PTPRM: variants seen among roughly 807,000 people sequenced by gnomAD.
PTPRM encodes the protein receptor-type tyrosine-protein phosphatase mu.
Under a neutral mutation model 186.7 loss-of-function variants are expected in PTPRM, and 47 were observed. That is an observed-to-expected ratio of 0.25 (90% CI 0.20 to 0.32). PTPRM has a LOEUF of 0.32. PTPRM is among the 10% of genes least tolerant of loss of function. The pLI, the probability that PTPRM is intolerant of heterozygous loss-of-function variation, is 1.00. For missense variants in PTPRM, 1,494 were observed against 1,865.0 expected, an observed-to-expected ratio of 0.80 and a Z score of 3.66; for synonymous variants, 668 against 674.9, an observed-to-expected ratio of 0.99 and a Z score of 0.16.
intron 14 of PTPRM, among the ~76,000 whole-genome samples, chr18:8,158,839 C>T (rs931176733): frequency 3.9e-5 from 6 of 152,130 alleles, no homozygotes; most frequent in Non-Finnish European, 8.8e-5. Context: ...GACTTTGAAA[C>T]AACCAAATTT....
chr18:7,582,814 C>G (rs1166034309), intron 1 of PTPRM, among the ~76,000 whole-genome samples: 2 of 152,214 alleles, frequency 1.3e-5, no homozygotes, highest in African/African-American at 2.4e-5. Context: ...GTGGCATTCT[C>G]ATTCATGGGT....
chr18:8,128,350 C>G (rs932139697), intron 13 of PTPRM, among the ~76,000 whole-genome samples: 2 of 152,056 alleles, frequency 1.3e-5, no homozygotes, highest in Non-Finnish European at 1.5e-5. Flanking sequence ...GATATCAGTG[C>G]TATGTGTTTC....
At chr18:7,590,574 A>G (rs1163176324) in intron 1 of PTPRM, among the ~76,000 whole-genome samples, 1 of 152,214 alleles carries the variant, frequency 6.6e-6, no homozygotes, top group Non-Finnish European at 1.5e-5. Flanking sequence ...ATTGGGAACA[A>G]CCTAAATATC....
chr18:7,575,029 C>T (rs1036963286), intron 1 of PTPRM, among the ~76,000 whole-genome samples: 4 of 152,216 alleles, frequency 2.6e-5, no homozygotes, highest in African/African-American at 9.6e-5. Context: ...GAGACTCCGT[C>T]TCAAAAAACA....
At chr18:7,790,909 TA>T (rs548803611) in intron 2 of PTPRM, among the ~76,000 whole-genome samples, 44 of 147,354 alleles carry the variant, frequency 3.0e-4, no homozygotes, top group East Asian at 5.9e-4. Context: ...AAGTTGGTTT[TA>T]AAAAAAAAAA....
intron 22 of PTPRM, among the ~76,000 whole-genome samples, chr18:8,336,728 T>C (rs571098027): frequency 6.0e-5 from 9 of 151,154 alleles, no homozygotes; most frequent in East Asian, 2.0e-4. Flanking sequence ...ACCTGTAATT[T>C]CAGCACTTTG....
chr18:8,003,387 C>T (rs2083986537), intron 7 of PTPRM, among the ~76,000 whole-genome samples: 1 of 152,172 alleles, frequency 6.6e-6, no homozygotes, highest in African/African-American at 2.4e-5. Flanking sequence ...TTATAAATTA[C>T]CCAGTCTTGG....
chr18:8,278,211 A>T (rs1213201662), intron 19 of PTPRM, among the ~76,000 whole-genome samples: 1 of 152,232 alleles, frequency 6.6e-6, no homozygotes, highest in Non-Finnish European at 1.5e-5. Context: ...ACAGCAGGCA[A>T]AGTTGCTTTA....
intron 1 of PTPRM, among the ~76,000 whole-genome samples, chr18:7,713,771 A>G (rs1056682681): frequency 1.3e-5 from 2 of 152,112 alleles, no homozygotes; most frequent in Non-Finnish European, 2.9e-5. Flanking sequence ...AAAGATCAAA[A>G]GACACGAAGG....
At chr18:7,667,566 G>T (rs891180881) in intron 1 of PTPRM, among the ~76,000 whole-genome samples, 3 of 152,190 alleles carry the variant, frequency 2.0e-5, no homozygotes, top group Non-Finnish European at 4.4e-5. Flanking sequence ...TTGAGTTAAG[G>T]ATCAGTGTGC....
At chr18:8,094,963 G>A (rs1453539007) in intron 11 of PTPRM, among the ~76,000 whole-genome samples, 1 of 152,064 alleles carries the variant, frequency 6.6e-6, no homozygotes, top group Non-Finnish European at 1.5e-5. Flanking sequence ...CCATCTTAAG[G>A]TCTCTGAGCC....
intron 1 of PTPRM, among the ~76,000 whole-genome samples, chr18:7,689,890 C>T (rs1457160457): frequency 6.6e-6 from 1 of 152,164 alleles, no homozygotes; most frequent in East Asian, 1.9e-4. Context: ...AAGAGCTTAA[C>T]ATGAAGGTGA....
At chr18:7,642,288 A>G (rs770550101) in intron 1 of PTPRM, among the ~76,000 whole-genome samples, 2 of 152,224 alleles carry the variant, frequency 1.3e-5, no homozygotes. Flanking sequence ...CGGCATATAC[A>G]TTAAACTCCT....
intron 1 of PTPRM, among the ~76,000 whole-genome samples, chr18:7,700,237 A>C (rs2039931890): frequency 6.6e-6 from 1 of 152,254 alleles, no homozygotes. Context: ...CTGCCAAGAA[A>C]GAAGTTAAGA....
rs1248385099 is a variant in PTPRM, at chr18:7,728,627, T to TG, written c.74-45522_74-45521insG. Among the ~76,000 whole-genome samples the TG allele has an allele frequency of 9.2e-5, 14 of 152,344 alleles. No individual in the cohort carries two copies. The East Asian group carries it at 2.3e-3, about 25-fold the overall frequency. ...GGCAGGCAAACTGGGGCAGATGTTC[T>TG]CCCTTTGGGTCTTGGGTTTCATCTG... On this transcript the variant is annotated intron_variant, in intron 1 of 32. Coordinates refer to ENST00000580170, the MANE Select transcript of PTPRM (RefSeq NM_001105244.2).
intron 23 of PTPRM, among the ~76,000 whole-genome samples, chr18:8,358,567 G>A (rs1299589583): frequency 6.6e-6 from 1 of 152,192 alleles, no homozygotes; most frequent in Non-Finnish European, 1.5e-5. Flanking sequence ...TGGTATGCGT[G>A]CAGCTAGTGA....
At chr18:8,247,730 G>GA (rs1250680764) in intron 15 of PTPRM, 115 bp from the exon 16 acceptor site, 1 of 689,004 alleles carries the variant, frequency 1.5e-6, no homozygotes, top group Non-Finnish European at 2.6e-6. Flanking sequence ...AGACATCAGT[G>GA]AGTCCCGGAG....
intron 14 of PTPRM, among the ~76,000 whole-genome samples, chr18:8,179,141 C>G (rs1362909048): frequency 6.6e-6 from 1 of 152,208 alleles, no homozygotes; most frequent in Admixed American, 6.5e-5. Context: ...GGTAAAACAA[C>G]CAGTTTCTCC....
chr18:7,798,339 G>T (rs2043774254), intron 2 of PTPRM, among the ~76,000 whole-genome samples: 3 of 152,030 alleles, frequency 2.0e-5, no homozygotes, highest in Admixed American at 2.0e-4. Flanking sequence ...GACCAACCTT[G>T]CCAACATGGT....
Sources: allele counts gnomAD v4.1 joint callset (sites outside exome capture counted in the v4.1 genomes callset), GRCh38; gene constraint gnomAD v4.1.1; transcripts MANE v1.5; gene names NCBI Gene and HGNC (gene_info 2026-07-23, HGNC 2026-07-21).